GRIN2A: variants seen among roughly 807,000 people sequenced by gnomAD.
The protein encoded by GRIN2A is glutamate ionotropic receptor NMDA type subunit 2A.
A neutral mutation model predicts 113.4 loss-of-function variants in GRIN2A; 22 were observed. That is an observed-to-expected ratio of 0.19 (90% CI 0.14 to 0.28). The LOEUF is 0.28. GRIN2A is among the 10% of genes least tolerant of loss of function. GRIN2A has a pLI of 1.00. For missense variants in GRIN2A, 1,502 were observed against 1,887.0 expected (o/e 0.80, Z 3.78); for synonymous variants, 827 against 738.4 (o/e 1.12, Z -1.94).
intron 2 of GRIN2A, among the ~76,000 whole-genome samples, chr16:10,153,980 T>C (rs2049636930): frequency 1.3e-5 from 2 of 152,214 alleles, no homozygotes; most frequent in African/African-American, 4.8e-5. Context: ...TTAAGGTCTC[T>C]GTGCAAAAGT....
intron 2 of GRIN2A, among the ~76,000 whole-genome samples, chr16:9,942,607 G>C (rs544330604): frequency 1.4e-4 from 21 of 152,274 alleles, no homozygotes; most frequent in African/African-American, 5.1e-4. Flanking sequence ...AGAAACCTAA[G>C]AGGGTCCTCA....
At chr16:10,006,677 G>A (rs1430604566) in intron 2 of GRIN2A, among the ~76,000 whole-genome samples, 2 of 151,740 alleles carry the variant, frequency 1.3e-5, no homozygotes, top group African/African-American at 4.8e-5. Flanking sequence ...ACAAATTATT[G>A]CTGACTACAG....
intron 4 of GRIN2A, among the ~76,000 whole-genome samples, chr16:9,889,679 A>G (rs968900937): frequency 2.0e-5 from 3 of 151,994 alleles, no homozygotes; most frequent in African/African-American, 7.3e-5. Flanking sequence ...TGACTAAAGT[A>G]TTTTCTAATG....
intron 2 of GRIN2A, among the ~76,000 whole-genome samples, chr16:10,144,999 T>TA (rs1230248888): frequency 1.0e-3 from 129 of 123,430 alleles, no homozygotes; most frequent in Middle Eastern, 4.1e-3. Context: ...TTGTTCAACC[T>TA]AAAAAAAAAA....
intron 5 of GRIN2A, among the ~76,000 whole-genome samples, chr16:9,847,209 G>T (rs544793030): frequency 1.9e-3 from 291 of 152,120 alleles, no homozygotes; most frequent in African/African-American, 5.4e-3. Flanking sequence ...AAGAATGTGT[G>T]GGGGGAAGGA....
In GRIN2A at chr16:10,070,279, C is replaced by T. The variant is rs77680621; in HGVS notation, c.414+109719G>A. ...GCCTCCTGACTTTGTTTACCAAGCA[C>T]GCCTCTAGCCTCGCTACTCACAGTG... On this transcript the variant is annotated intron_variant, in intron 2 of 12. Transcript: ENST00000330684. Among the ~76,000 whole-genome samples the T allele has an allele frequency of 3.4e-4, 52 of 152,300 alleles. 1 individual carries two copies. In the East Asian group the frequency reaches 8.1e-3, roughly 24 times the overall value.
At chr16:10,084,303 A>C (rs1009600595) in intron 2 of GRIN2A, among the ~76,000 whole-genome samples, 2 of 152,106 alleles carry the variant, frequency 1.3e-5, no homozygotes, top group Non-Finnish European at 2.9e-5. Flanking sequence ...TTTCCCACTC[A>C]GCACTTTAAG....
At position 10,098,428 on chromosome 16, in the gene GRIN2A, T is replaced by C. The variant is rs150146155; in HGVS notation, c.414+81570A>G. ...TAAATAACTAAAAGGAGAACTACCA[T>C]TTGGCACAGCAATCCCACTACTGGG... On this transcript the variant is annotated intron_variant, in intron 2 of 12. Transcript: ENST00000330684. Among the ~76,000 whole-genome samples the C allele has an allele frequency of 7.2e-4, 110 of 152,336 alleles. No homozygotes were observed. The East Asian group carries it at 0.019, about 27-fold the overall frequency.
chr16:10,172,699 C>T (rs944114583), intron 2 of GRIN2A, among the ~76,000 whole-genome samples: 2 of 152,110 alleles, frequency 1.3e-5, no homozygotes, highest in African/African-American at 4.8e-5. Flanking sequence ...GGCCTTCTGA[C>T]TGTTTCAAAG....
chr16:9,870,902 T>A lies in GRIN2A; in HGVS notation c.1122+20084A>T, dbSNP rs186711322. Among the ~76,000 whole-genome samples, 9 of 152,272 alleles carry A rather than the reference T, an allele frequency of 5.9e-5. No individual in the cohort carries two copies. In the East Asian group the frequency reaches 1.4e-3, roughly 23 times the overall value. ...ATTCACCCTCCTCGGCCTCCCTAAG[T>A]GCTAGGATTATAGGCATGAGCCACC... On this transcript the variant is annotated intron_variant, in intron 4 of 12. Transcript: ENST00000330684.
chr16:10,150,919 G>C (rs542947706), intron 2 of GRIN2A, among the ~76,000 whole-genome samples: 1 of 152,264 alleles, frequency 6.6e-6, no homozygotes, highest in East Asian at 1.9e-4. Flanking sequence ...TGCAACCTGT[G>C]CCCTGAACAT....
chr16:10,152,632 C>A (rs548490061), intron 2 of GRIN2A, among the ~76,000 whole-genome samples: 1 of 152,314 alleles, frequency 6.6e-6, no homozygotes, highest in Non-Finnish European at 1.5e-5. Flanking sequence ...TAATGATAAA[C>A]CCACTCTTCC....
At chr16:10,179,895 C>CAA in intron 2 of GRIN2A, 103 bp downstream of exon 2, 2 of 808,170 alleles carry the variant, frequency 2.5e-6, no homozygotes, top group Non-Finnish European at 4.1e-6. Flanking sequence ...CCCACCCCCA[C>CAA]TTCACATCAA....
chr16:10,127,556 G>T (rs928836274), intron 2 of GRIN2A, among the ~76,000 whole-genome samples: 1 of 152,126 alleles, frequency 6.6e-6, no homozygotes, highest in African/African-American at 2.4e-5. Context: ...ATCATTTCTA[G>T]CATCATGGTA....
At chr16:10,039,779 G>GGGGAGAGGGAGA (rs879696426) in intron 2 of GRIN2A, among the ~76,000 whole-genome samples, 14,116 of 103,166 alleles carry the variant, frequency 0.14, 2,065 homozygotes, top group East Asian at 0.43. Flanking sequence ...GGAGAGGGAG[G>GGGGAGAGGGAGA]GGGAGGGGGA....
chr16:9,809,758 C>T (rs1027842477), intron 10 of GRIN2A, among the ~76,000 whole-genome samples: 1 of 152,218 alleles, frequency 6.6e-6, no homozygotes. Context: ...CTAAGAGTTA[C>T]AGGTAATACA....
chr16:10,155,632 A>C (rs528537191), intron 2 of GRIN2A, among the ~76,000 whole-genome samples: 3 of 152,334 alleles, frequency 2.0e-5, no homozygotes, highest in South Asian at 2.1e-4. Flanking sequence ...TCACACTGAT[A>C]ATAAAGACAT....
intron 10 of GRIN2A, among the ~76,000 whole-genome samples, chr16:9,812,465 C>A (rs1596452730): frequency 6.6e-6 from 1 of 152,032 alleles, no homozygotes; most frequent in African/African-American, 2.4e-5. Flanking sequence ...ATGGCGAAAC[C>A]CCGTCTCTGC....
chr16:9,840,532 T>C (rs1456419088), intron 7 of GRIN2A, 115 bp downstream of exon 7: 8 of 969,328 alleles, frequency 8.3e-6, no homozygotes, highest in African/African-American at 1.6e-5. Flanking sequence ...CTCTGAAATA[T>C]GCTGCCATGG....
Sources: gnomAD v4.1 joint callset for allele counts (sites outside exome capture counted in the v4.1 genomes callset) on GRCh38, gnomAD v4.1.1 for gene constraint, MANE v1.5 for transcripts, NCBI Gene and HGNC (gene_info 2026-07-23, HGNC 2026-07-21) for gene names.